ABCC6: variants seen among roughly 807,000 people sequenced by gnomAD.
The protein encoded by ABCC6 is ATP binding cassette subfamily C member 6.
Under a neutral mutation model 169.5 loss-of-function variants are expected in ABCC6, and 126 were observed. That is an observed-to-expected ratio of 0.74 (90% CI 0.64 to 0.86). The LOEUF is 0.86. Among genes scored for constraint, ABCC6 ranks in the 40% least tolerant of loss-of-function variants. The pLI, the probability that ABCC6 is intolerant of heterozygous loss-of-function variation, is 0.00. For synonymous variants in ABCC6, 752 were observed against 814.7 expected (o/e 0.92, Z 1.31); for missense variants, 1,733 against 1,927.2 (o/e 0.90, Z 1.89).
intron 9 of ABCC6, 72 bp downstream of exon 9, chr16:16,201,929 T>C (rs1567527718): frequency 6.4e-7 from 1 of 1,571,426 alleles, no homozygotes; most frequent in Non-Finnish European, 8.8e-7. Flanking sequence ...CAGCTGCTGA[T>C]AACATTACTG....
intron 4 of ABCC6, among the ~76,000 whole-genome samples, chr16:16,217,928 A>C (rs1252528739): frequency 6.6e-6 from 1 of 152,276 alleles, no homozygotes; most frequent in African/African-American, 2.4e-5. Flanking sequence ...TGTCTCTACT[A>C]AAAATACAAA....
intron 10 of ABCC6, among the ~76,000 whole-genome samples, chr16:16,195,676 G>T (rs958777054): frequency 6.6e-6 from 1 of 151,934 alleles, no homozygotes; most frequent in Non-Finnish European, 1.5e-5. Context: ...ATTTTCCCAT[G>T]TTCTTCCTCT....
chr16:16,171,400 T>C (rs2047061197), intron 21 of ABCC6, among the ~76,000 whole-genome samples: 1 of 152,214 alleles, frequency 6.6e-6, no homozygotes, highest in African/African-American at 2.4e-5. Context: ...ATTTTCTTTA[T>C]AGCACTTATT....
chr16:16,157,832 G>A, intron 26 of ABCC6, 23 bp from the exon 27 acceptor site: 1 of 1,603,732 alleles, frequency 6.2e-7, no homozygotes, highest in Non-Finnish European at 8.5e-7. Flanking sequence ...GGGAAACTGA[G>A]TCAGAGGAGC....
Position 16,177,605 on chromosome 16 carries a change from C to T in ABCC6, c.2437G>A (p.Ala813Thr), listed in dbSNP as rs756766310. 54 of 1,614,062 alleles carry T rather than the reference C, an allele frequency of 3.3e-5. No homozygotes were observed. Among genetic ancestry groups the T allele is most frequent in the Middle Eastern group, 3.3e-4 (2 of 6,084 alleles). ...QGTTRILVTH[A>T]LHILPQADWI... ...TCAGCCTGGGGCAGGATGTGGAGTG[C>T]GTGCGTCACGAGAATCCGTGTCTGG... The change falls in exon 19 of 31, where the codon GCA (alanine) becomes ACA (threonine). Residue 813 changes from alanine to threonine, a missense_variant. Physicochemically the swap from Ala to Thr is moderately conservative, Grantham distance 58 (BLOSUM62 0). This residue lies in a region of ABCC6 where 1,601 missense variants were observed against 1,635.5 expected (regional missense o/e 0.98). Coordinates refer to ENST00000205557, the MANE Select transcript of ABCC6 (RefSeq NM_001171.6).
At chr16:16,159,426 G>GCCC in intron 26 of ABCC6, 56 bp downstream of exon 26, 1 of 1,355,814 alleles carries the variant, frequency 7.4e-7, no homozygotes, top group Non-Finnish European at 1.0e-6. Context: ...GGGACCCATT[G>GCCC]CCCCCCCCCA....
intron 23 of ABCC6, among the ~76,000 whole-genome samples, chr16:16,164,840 G>A (rs1010625899): frequency 6.6e-6 from 1 of 152,178 alleles, no homozygotes; most frequent in Admixed American, 6.5e-5. Context: ...GCTGGTCCTG[G>A]GGTCACACTT....
At chr16:16,202,217 G>C (rs1166492664) in intron 8 of ABCC6, 39 bp from the exon 9 acceptor site, 1 of 1,579,882 alleles carries the variant, frequency 6.3e-7, no homozygotes, top group South Asian at 1.1e-5. Context: ...GCTGGTGAGA[G>C]GAGGTGCCTA....
chr16:16,150,423 C>G (rs2046353346), intron 30 of ABCC6, among the ~76,000 whole-genome samples, 155 bp downstream of exon 30: 1 of 152,256 alleles, frequency 6.6e-6, no homozygotes, highest in Admixed American at 6.5e-5. Context: ...GGCAGCTTTC[C>G]CACTTGGCAT....
chr16:16,190,840 G>T (rs1409806455), intron 11 of ABCC6, among the ~76,000 whole-genome samples: 1 of 146,296 alleles, frequency 6.8e-6, no homozygotes, highest in Non-Finnish European at 1.5e-5. Flanking sequence ...TGACCAGGAA[G>T]TGCGTGCTGA....
intron 23 of ABCC6, among the ~76,000 whole-genome samples, chr16:16,164,600 G>T (rs1258930168): frequency 2.0e-5 from 3 of 152,192 alleles, no homozygotes; most frequent in African/African-American, 7.2e-5. Flanking sequence ...AGTTGCTAAG[G>T]TGAGATGATA....
At chr16:16,171,734 G>A (rs1368088711) in intron 21 of ABCC6, among the ~76,000 whole-genome samples, 1 of 151,984 alleles carries the variant, frequency 6.6e-6, no homozygotes, top group Non-Finnish European at 1.5e-5. Context: ...GTAGGTGGGT[G>A]AGTGGATGGG....
intron 23 of ABCC6, among the ~76,000 whole-genome samples, chr16:16,164,757 A>G (rs1265484825): frequency 2.6e-5 from 4 of 152,158 alleles, no homozygotes; most frequent in Non-Finnish European, 5.9e-5. Flanking sequence ...CGACCCACAT[A>G]GTATCTGAGG....
chr16:16,217,459 C>T (rs4781761), intron 4 of ABCC6, among the ~76,000 whole-genome samples: 30,526 of 150,522 alleles, frequency 0.2, 2,666 homozygotes, highest in Non-Finnish European at 0.27. Flanking sequence ...CCTGTAATCC[C>T]AGCACTTTGG....
At chr16:16,167,913 A>G (rs964300114) in intron 22 of ABCC6, among the ~76,000 whole-genome samples, 12 of 152,154 alleles carry the variant, frequency 7.9e-5, no homozygotes, top group African/African-American at 2.9e-4. Context: ...TGAAAGGGCT[A>G]TTTGCCACCC....
intron 14 of ABCC6, among the ~76,000 whole-genome samples, chr16:16,186,919 G>C (rs212077): frequency 0.14 from 21,123 of 152,038 alleles, 1,752 homozygotes; most frequent in Middle Eastern, 0.21. Context: ...GGCGCTCAGT[G>C]AGTGGTCGCT....
chr16:16,176,527 A>G (rs534775103), intron 19 of ABCC6, among the ~76,000 whole-genome samples: 9 of 152,236 alleles, frequency 5.9e-5, no homozygotes, highest in Non-Finnish European at 1.2e-4. Flanking sequence ...AAGCTGACCA[A>G]CACAAACAGG....
At chr16:16,169,186 A>G (rs1053737708) in intron 22 of ABCC6, among the ~76,000 whole-genome samples, 1 of 152,244 alleles carries the variant, frequency 6.6e-6, no homozygotes, top group Non-Finnish European at 1.5e-5. Context: ...GCAAAATATC[A>G]CCAATGGGAG....
Position 16,188,980 on chromosome 16 carries a change from G to T in ABCC6, c.1636-6C>A. 1 of 1,613,750 alleles carries T rather than the reference G, an allele frequency of 6.2e-7. No individual in the cohort carries two copies. The highest frequency in any genetic ancestry group is 1.3e-5 in the African/African-American group (1 of 75,046). On this transcript the variant is annotated splice_region_variant and splice_polypyrimidine_tract_variant and intron_variant, in intron 12 of 30. Coordinates refer to ENST00000205557, the MANE Select transcript of ABCC6 (RefSeq NM_001171.6). ...GCAAACACCACCAGTGCGACCTGGG[G>T]GGTGGGGGGGACACGTGGGGCAACA...
Sources: gnomAD v4.1 joint callset for allele counts (sites outside exome capture counted in the v4.1 genomes callset) on GRCh38, gnomAD v4.1.1 for gene constraint, gnomAD v4.1.1 regional missense constraint, MANE v1.5 for transcripts, NCBI Gene and HGNC (gene_info 2026-07-23, HGNC 2026-07-21) for gene names.